The following DNAH17 variants were observed in gnomAD, a reference collection of about 807,000 sequenced individuals.
DNAH17 encodes the protein axonemal beta dynein heavy chain 17.
In DNAH17, 376 loss-of-function variants were observed where a neutral mutation model predicts 485.6. That is an observed-to-expected ratio of 0.77 (90% confidence interval 0.71 to 0.84). The LOEUF (loss-of-function observed/expected upper bound fraction) is 0.84, where lower values mean the gene tolerates loss of function less well. DNAH17 is among the 40% of genes least tolerant of loss of function. The pLI is 0.00. For missense variants in DNAH17, 6,370 were observed against 5,839.3 expected (o/e 1.09, Z -2.96); for synonymous variants, 3,031 against 2,405.9 (o/e 1.26, Z -7.60).
At chr17:78,496,320 A>G (rs2090067983) in intron 37 of DNAH17, among the ~76,000 whole-genome samples, 2 of 151,604 alleles carry the variant, frequency 1.3e-5, no homozygotes, top group South Asian at 2.1e-4. Context: ...CAACATAGCA[A>G]GACCCTGTCT....
intron 37 of DNAH17, chr17:78,498,773 T>G (rs751502713): frequency 3.0e-5 from 11 of 372,180 alleles, no homozygotes; most frequent in Non-Finnish European, 4.8e-5. Flanking sequence ...CCACCTGTAT[T>G]TTGTTACACG....
rs182583617 is a variant in DNAH17 at position 78,445,829 on chromosome 17, C to T, written c.11212-149G>A. 6,023 of 820,190 alleles carry T rather than the reference C, an allele frequency of 7.3e-3. 37 individuals are homozygous for T. Among genetic ancestry groups the T allele is most frequent in the Non-Finnish European group, 9.2e-3 (4,874 of 528,232 alleles). 50.8% of individuals were successfully genotyped at this position (820,190 alleles called of 1,614,324 possible). On this transcript the variant is annotated intron_variant, in intron 69 of 80. Transcript: ENST00000389840. ...CCTTTGGTTTGGGGTAAAGTTTTGT[C>T]TTCACCTCGTCTCGCTTTTTAAGTT...
In DNAH17 at chr17:78,502,438, G is replaced by A. The variant is rs2090330165; in HGVS notation, c.5190+153C>T. The A allele has an allele frequency of 7.7e-6, 5 of 645,500 alleles. No homozygotes were observed. The East Asian group carries it at 1.4e-4, about 19-fold the overall frequency. The allele number at this position is 645,500 out of a possible 1,614,324, so 40.0% of individuals were successfully genotyped here. On this transcript the variant is annotated intron_variant, in intron 33 of 80. Transcript: ENST00000389840. ...GGGCTGTGGTGCGTGGCTGTTATTT[G>A]GCCTGTGGAAACGACGGTTTTGCGG...
intron 19 of DNAH17, among the ~76,000 whole-genome samples, chr17:78,536,545 G>GTGA (rs1421176593): frequency 2.0e-5 from 3 of 152,190 alleles, no homozygotes; most frequent in African/African-American, 7.2e-5. Context: ...GCTGGGCTTG[G>GTGA]TGATGCATGC....
At chr17:78,518,670 C>T (rs1247239948) in intron 25 of DNAH17, among the ~76,000 whole-genome samples, 1 of 152,186 alleles carries the variant, frequency 6.6e-6, no homozygotes, top group Non-Finnish European at 1.5e-5. Context: ...ACGTATAAAA[C>T]ACTCCGCCCA....
intron 60 of DNAH17, 135 bp from the exon 61 acceptor site, chr17:78,459,343 C>T (rs2087974751): frequency 3.6e-6 from 3 of 833,654 alleles, no homozygotes; most frequent in Non-Finnish European, 3.9e-6. Flanking sequence ...GTCAGGCTGG[C>T]CCTAGAGGCC....
chr17:78,501,906 C>A (rs530979637), intron 33 of DNAH17, 33 bp from the exon 34 acceptor site: 1 of 1,612,304 alleles, frequency 6.2e-7, no homozygotes, highest in African/African-American at 1.3e-5. Context: ...TGAGACACCA[C>A]GGGTGCCCAC....
chr17:78,479,527 C>T lies in DNAH17; in HGVS notation c.7858G>A (p.Ala2620Thr), dbSNP rs2089255418. 6.2e-7 allele frequency: 1 copy of T among 1,613,456 alleles called. No homozygotes were observed. Among genetic ancestry groups the T allele is most frequent in the Non-Finnish European group, 8.5e-7 (1 of 1,179,874 alleles). Reference sequence around the variant, plus strand: ...AGCTGGCTGCTTATCCTCTGGATAGCCATGGAGACCGAGCGGAAGGCCAGG... The same window carrying T: ...AGCTGGCTGCTTATCCTCTGGATAGTCATGGAGACCGAGCGGAAGGCCAGG... ...QHLAFRSVSMAIQRISSQLVA... is the reference protein window; with the variant it reads ...QHLAFRSVSMTIQRISSQLVA... Residue 2620 changes from alanine to threonine, a missense_variant, in exon 50 of 81, where the codon GCT becomes ACT. By Grantham distance (58) the Ala-to-Thr change is moderately conservative. Transcript: ENST00000389840.
Position 78,532,547 on chromosome 17 carries a change from A to G in DNAH17, c.3049T>C (p.Leu1017=). The part of the protein sequence containing the change: ...IYGCAVTAED[L]DTWTDDTIPK... ...ATGGTGTCATCTGTCCAGGTGTCCAAGTCCTCCGCAGTGACTGCACACCCA... is the reference window on the plus strand; with the variant it reads ...ATGGTGTCATCTGTCCAGGTGTCCAGGTCCTCCGCAGTGACTGCACACCCA... The change falls in exon 20 of 81, where the codon TTG becomes CTG. Residue 1017 remains leucine, a synonymous_variant. Transcript: ENST00000389840. The G allele has an allele frequency of 1.2e-6, 2 of 1,610,842 alleles. No individual in the cohort carries two copies. Among genetic ancestry groups the G allele is most frequent in the Non-Finnish European group, 1.7e-6 (2 of 1,178,656 alleles).
chr17:78,457,019 T>C (rs532125041), intron 62 of DNAH17, among the ~76,000 whole-genome samples: 38 of 152,310 alleles, frequency 2.5e-4, no homozygotes, highest in African/African-American at 7.9e-4. Flanking sequence ...CTGCCAGCCC[T>C]GGGGCTCCCA....
At position 78,423,889 on chromosome 17, in the gene DNAH17, T is replaced by C. The variant is rs2086225619; in HGVS notation, c.*17A>G. 6.2e-7 allele frequency: 1 copy of C among 1,613,396 alleles called. No homozygotes were observed. Among genetic ancestry groups the C allele is most frequent in the South Asian group, 1.1e-5 (1 of 90,976 alleles). On this transcript the variant is annotated 3_prime_UTR_variant, in exon 81 of 81. Coordinates refer to ENST00000389840, the MANE Select transcript of DNAH17 (RefSeq NM_173628.4). Reference sequence around the variant, plus strand: ...TGGTCCAGCCCCAGGGAGTGTGGGCTGTGAGGCAGGAGCGAGCTAAACCTG... The same window carrying C: ...TGGTCCAGCCCCAGGGAGTGTGGGCCGTGAGGCAGGAGCGAGCTAAACCTG...
At chr17:78,540,095 G>T (rs946173350) in intron 17 of DNAH17, among the ~76,000 whole-genome samples, 1 of 152,022 alleles carries the variant, frequency 6.6e-6, no homozygotes, top group Non-Finnish European at 1.5e-5. Context: ...CAATCTTTTT[G>T]ATTTCAGCTC....
rs572667824 is a variant in DNAH17 at position 78,570,208 on chromosome 17, G to GAGGGGAGGAAGGGGACCCAGGGGCC, written c.1044+14_1044+38dup. On this transcript the variant is annotated intron_variant, in intron 7 of 80. Transcript: ENST00000389840. ...TGAACCGGGGAGGGGACCCAGCCAG[G>GAGGGGAGGAAGGGGACCCAGGGGCC]AGGGGAGGAAGGGGACCCAGGGGCC... The GAGGGGAGGAAGGGGACCCAGGGGCC allele has an allele frequency of 2.5e-4, 393 of 1,548,452 alleles. 4 individuals are homozygous for GAGGGGAGGAAGGGGACCCAGGGGCC. In the East Asian group the frequency reaches 9.1e-3, roughly 36 times the overall value.
intron 16 of DNAH17, among the ~76,000 whole-genome samples, chr17:78,544,510 G>C (rs967768344): frequency 6.6e-6 from 1 of 152,136 alleles, no homozygotes; most frequent in Non-Finnish European, 1.5e-5. Context: ...CCACAAGGGT[G>C]GTGGCCACTT....
At position 78,425,239 on chromosome 17, in the gene DNAH17, C is replaced by A; in HGVS notation, c.13141+107G>T. 2.6e-6 allele frequency: 3 copies of A among 1,143,822 alleles called. No individual in the cohort carries two copies. The South Asian group carries it at 4.3e-5, about 16-fold the overall frequency. 70.9% of individuals were successfully genotyped at this position (1,143,822 alleles called of 1,614,324 possible). ...TGAGAGCACCTCTCTCCTGCCTGTC[C>A]CCACAGCTCTTGAACAGCCTGTCTT... On this transcript the variant is annotated intron_variant, in intron 80 of 80. Coordinates refer to ENST00000389840, the MANE Select transcript of DNAH17 (RefSeq NM_173628.4).
intron 14 of DNAH17, among the ~76,000 whole-genome samples, chr17:78,556,799 C>T (rs938763258): frequency 1.5e-4 from 23 of 152,164 alleles, no homozygotes; most frequent in Middle Eastern, 3.4e-3. Context: ...TATATCCATG[C>T]GACACATTGC....
Position 78,529,641 on chromosome 17 carries a change from G to A in DNAH17, c.3338C>T (p.Pro1113Leu), listed in dbSNP as rs767868881. The A allele has an allele frequency of 5.6e-6, 9 of 1,613,882 alleles. No individual in the cohort carries two copies. The East Asian group carries it at 6.7e-5, about 12-fold the overall frequency. The change falls in exon 22 of 81, where the codon CCC becomes CTC. Residue 1113 changes from proline (P) to leucine (L), a missense_variant. Coordinates refer to ENST00000389840, the MANE Select transcript of DNAH17 (RefSeq NM_173628.4). ...CCCATCATAGTCCCCCTCCTTGAGG[G>A]GCTTGGTCAAGCCCATTCTGGCGAC... ...MKVARMGLTKPLKEGDYDGLV... is the reference protein window; with the variant it reads ...MKVARMGLTKLLKEGDYDGLV...
At chr17:78,452,781 A>C (rs955760565) in intron 65 of DNAH17, among the ~76,000 whole-genome samples, 2 of 152,162 alleles carry the variant, frequency 1.3e-5, no homozygotes, top group African/African-American at 4.8e-5. Flanking sequence ...CCAGACACAA[A>C]AAGACACATG....
Position 78,454,668 on chromosome 17 carries a change from C to T in DNAH17, c.10208G>A (p.Ser3403Asn), listed in dbSNP as rs757499892. Residue 3403 changes from serine (S) to asparagine (N), a missense_variant, in exon 64 of 81, where the codon AGC becomes AAC. By Grantham distance (46) the Ser-to-Asn change is conservative (BLOSUM62 1). Coordinates refer to ENST00000389840, the MANE Select transcript of DNAH17 (RefSeq NM_173628.4). ...CACGTCCGCGTCATCTGTCAGCAGG[C>T]TCAAGGGATCCAGGCCATTCGTGAT... is the stretch of plus-strand genomic sequence containing the variant. The part of the protein sequence containing the change: ...IPITNGLDPL[S>N]LLTDDADVAT... 1 of 1,613,026 alleles carries T rather than the reference C, an allele frequency of 6.2e-7. No individual in the cohort carries two copies. Among genetic ancestry groups the T allele is most frequent in the Non-Finnish European group, 8.5e-7 (1 of 1,179,880 alleles).
Sources: allele counts gnomAD v4.1 joint callset (sites outside exome capture counted in the v4.1 genomes callset), GRCh38; gene constraint gnomAD v4.1.1; transcripts MANE v1.5; gene names NCBI Gene and HGNC (gene_info 2026-07-23, HGNC 2026-07-21).